The following AHI1 variants were observed in gnomAD, a reference collection of about 807,000 sequenced individuals.
AHI1 encodes the protein jouberin.
A neutral mutation model predicts 149.3 loss-of-function variants in AHI1; 123 were observed. The observed-to-expected ratio is 0.82, with a 90% confidence interval of 0.71 to 0.96. The LOEUF is 0.96. AHI1 is among the 40% of genes least tolerant of loss of function. The pLI, the probability that AHI1 is intolerant of heterozygous loss-of-function variation, is 0.00. For synonymous variants in AHI1, 475 were observed against 459.8 expected (o/e 1.03, Z -0.42); for missense variants, 1,439 against 1,422.7 (o/e 1.01, Z -0.18).
At chr6:135,327,861 G>A (rs1395037228) in intron 24 of AHI1, among the ~76,000 whole-genome samples, 1 of 152,188 alleles carries the variant, frequency 6.6e-6, no homozygotes, top group Admixed American at 6.5e-5. Context: ...CATGCCCCAG[G>A]GAGGTCAAAG....
intron 26 of AHI1, among the ~76,000 whole-genome samples, chr6:135,309,155 A>G (rs1047441419): frequency 6.6e-6 from 1 of 152,194 alleles, no homozygotes; most frequent in African/African-American, 2.4e-5. Flanking sequence ...GAGAGTCCCT[A>G]TTAATTTCTT....
chr6:135,346,356 G>A (rs1324561858), intron 24 of AHI1, among the ~76,000 whole-genome samples: 1 of 151,840 alleles, frequency 6.6e-6, no homozygotes, highest in Admixed American at 6.6e-5. Flanking sequence ...CACCATGCCC[G>A]GCTAATTTTT....
At chr6:135,406,679 C>T (rs975874066) in intron 21 of AHI1, among the ~76,000 whole-genome samples, 1 of 152,100 alleles carries the variant, frequency 6.6e-6, no homozygotes, top group African/African-American at 2.4e-5. Flanking sequence ...AAAACATTTT[C>T]GAACCCATTC....
rs985322156 is a variant in AHI1, at chr6:135,431,947, C to T, written c.2267-633G>A. On this transcript the variant is annotated intron_variant, in intron 16 of 28. Transcript: ENST00000265602. Reference sequence around the variant, plus strand: ...CTAATTCTGAACAAAGAAAATCTATCTTCTACAGCTTTGGCCCACCTCTAC... The same window carrying T: ...CTAATTCTGAACAAAGAAAATCTATTTTCTACAGCTTTGGCCCACCTCTAC... Among the ~76,000 whole-genome samples, 3 of 150,824 alleles carry T rather than the reference C, an allele frequency of 2.0e-5. 1 individual carries two copies. The highest frequency in any genetic ancestry group is 2.0e-4 in the Admixed American group (3 of 15,180).
chr6:135,370,606 C>T (rs1774903164), intron 23 of AHI1, among the ~76,000 whole-genome samples: 1 of 152,166 alleles, frequency 6.6e-6, no homozygotes, highest in African/African-American at 2.4e-5. Context: ...GACTGTTTGT[C>T]TTTACTTCTT....
In AHI1 at chr6:135,383,222, CT is replaced by C. The variant is rs1341893500; in HGVS notation, c.3109+11553del. On this transcript the variant is annotated intron_variant, in intron 23 of 28. Transcript: ENST00000265602. ...GATTGATTGATTCCTTCCTTCCCCC[CT>C]CCCTTTTTTTTTTTTTTTTTTTTTG... Among the ~76,000 whole-genome samples the C allele has an allele frequency of 1.4e-3, 92 of 67,650 alleles. 1 individual carries two copies. The highest frequency in any genetic ancestry group is 7.9e-3 in the African/African-American group (85 of 10,758). 44.4% of individuals were successfully genotyped at this position (67,650 alleles called of 152,430 possible). A position where few individuals can be genotyped will look rare whatever the true frequency, so the allele number is the denominator to read the frequency against.
intron 10 of AHI1, among the ~76,000 whole-genome samples, chr6:135,454,353 T>C (rs2128073259): frequency 6.6e-6 from 1 of 152,244 alleles, no homozygotes; most frequent in South Asian, 2.1e-4. Flanking sequence ...TACACATGAA[T>C]ACCGTAATGT....
chr6:135,463,257 A>T lies in AHI1; in HGVS notation c.799T>A (p.Ser267Thr), dbSNP rs1205629091. 1 of 1,610,620 alleles carries T rather than the reference A, an allele frequency of 6.2e-7. No homozygotes were observed. Residue 267 changes from serine to threonine, a missense_variant, in exon 8 of 29, where the codon TCT becomes ACT. By Grantham distance (58) the Ser-to-Thr change is moderately conservative. Coordinates refer to ENST00000265602, the MANE Select transcript of AHI1 (RefSeq NM_001134831.2). ...TCTGAAGAAACTGATCTAACTGAAG[A>T]TTCTTTCTTTTGTTCACCTTCAACT... Reference protein sequence around the residue: ...DTVEGEQKKESSVRSVSSDSH... With the variant: ...DTVEGEQKKETSVRSVSSDSH...
At chr6:135,346,727 GA>G (rs1182229473) in intron 24 of AHI1, among the ~76,000 whole-genome samples, 3 of 152,090 alleles carry the variant, frequency 2.0e-5, no homozygotes, top group Non-Finnish European at 4.4e-5. Context: ...ATTCTTGGGG[GA>G]TACAAACAAT....
At chr6:135,487,455 T>C (rs544447368) in intron 5 of AHI1, among the ~76,000 whole-genome samples, 3 of 152,168 alleles carry the variant, frequency 2.0e-5, no homozygotes, top group African/African-American at 4.8e-5. Flanking sequence ...TGGACATATA[T>C]AATAATTAAG....
intron 20 of AHI1, among the ~76,000 whole-genome samples, chr6:135,423,456 G>A (rs1783504115): frequency 6.6e-6 from 1 of 152,108 alleles, no homozygotes; most frequent in Non-Finnish European, 1.5e-5. Flanking sequence ...AAAGGTACAT[G>A]TTGCCCTGAA....
chr6:135,403,070 A>G (rs1303926207), intron 22 of AHI1, among the ~76,000 whole-genome samples: 1 of 152,180 alleles, frequency 6.6e-6, no homozygotes, highest in African/African-American at 2.4e-5. Flanking sequence ...ATTTATATGA[A>G]ATGTTCAGAT....
chr6:135,491,010 A>T (rs1795179425), intron 4 of AHI1, among the ~76,000 whole-genome samples: 2 of 152,230 alleles, frequency 1.3e-5, no homozygotes, highest in Non-Finnish European at 2.9e-5. Flanking sequence ...TCTGATAAAC[A>T]GTAGCATCTA....
At position 135,482,894 on chromosome 6, in the gene AHI1, C is replaced by CTTTTTTT. The variant is rs761997683; in HGVS notation, c.135+7722_135+7728dup. 6.3e-4 allele frequency among the ~76,000 whole-genome samples: 35 copies of CTTTTTTT among 55,732 alleles called. 12 individuals carry two copies. Among genetic ancestry groups the CTTTTTTT allele is most frequent in the African/African-American group, 2.3e-3 (25 of 10,786 alleles). 36.6% of individuals were successfully genotyped at this position (55,732 alleles called of 152,430 possible). On this transcript the variant is annotated intron_variant, in intron 5 of 28. Transcript: ENST00000265602. Reference sequence around the variant, plus strand: ...TTCAACCAGTATAATCCATTTAAGGCTTTTTTTTTTTTTTTGAGACAGAGT... The same window carrying CTTTTTTT: ...TTCAACCAGTATAATCCATTTAAGGCTTTTTTTTTTTTTTTTTTTTTTGAGACAGAGT...
intron 27 of AHI1, among the ~76,000 whole-genome samples, chr6:135,292,872 T>G (rs190437318): frequency 6.6e-6 from 1 of 152,046 alleles, no homozygotes; most frequent in African/African-American, 2.4e-5. Context: ...ATTGAAGAGG[T>G]GGGAATACTT....
chr6:135,363,947 C>T, intron 23 of AHI1, among the ~76,000 whole-genome samples: 1 of 143,498 alleles, frequency 7.0e-6, no homozygotes, highest in South Asian at 2.3e-4. Context: ...GGGGGGCTGA[C>T]CCCCCCACCT....
intron 5 of AHI1, among the ~76,000 whole-genome samples, chr6:135,484,160 CTA>C (rs1247121422): frequency 6.6e-6 from 1 of 152,156 alleles, no homozygotes; most frequent in Non-Finnish European, 1.5e-5. Context: ...GACTTATTCA[CTA>C]TGATGAGAAC....
At chr6:135,315,454 C>T (rs917492078) in intron 26 of AHI1, among the ~76,000 whole-genome samples, 23 of 152,246 alleles carry the variant, frequency 1.5e-4, no homozygotes, top group African/African-American at 4.6e-4. Flanking sequence ...TCTGATTCTA[C>T]GTCCTTTCCA....
At chr6:135,338,070 G>A (rs777843836) in intron 24 of AHI1, among the ~76,000 whole-genome samples, 149 of 152,210 alleles carry the variant, frequency 9.8e-4, no homozygotes, top group Non-Finnish European at 1.3e-3. Context: ...GGCCGAGGTG[G>A]GTGGATCACC....
Sources: allele counts gnomAD v4.1 joint callset (sites outside exome capture counted in the v4.1 genomes callset), GRCh38; gene constraint gnomAD v4.1.1; transcripts MANE v1.5; gene names NCBI Gene and HGNC (gene_info 2026-07-23, HGNC 2026-07-21).